Variants in RUFY3 observed in about 807,000 individuals in gnomAD.
RUFY3 encodes the protein RUN and FYVE domain containing 3, also known as protein RUFY3.
A neutral mutation model predicts 84.0 loss-of-function variants in RUFY3; 34 were observed. That is an observed-to-expected ratio of 0.40 (90% confidence interval 0.31 to 0.54). RUFY3 has a LOEUF of 0.54. Ranked by LOEUF, RUFY3 falls within the 20% of genes least tolerant of loss-of-function variation. The pLI is 0.39. For missense variants in RUFY3, 507 were observed against 736.8 expected, an observed-to-expected ratio of 0.69 and a Z score of 3.61; for synonymous variants, 242 against 252.9, an observed-to-expected ratio of 0.96 and a Z score of 0.41.
At chr4:70,770,605 T>C (rs949937119) in intron 5 of RUFY3, among the ~76,000 whole-genome samples, 2 of 152,230 alleles carry the variant, frequency 1.3e-5, no homozygotes, top group African/African-American at 4.8e-5. Context: ...AATTAGGTGT[T>C]GGCTTAAGGG....
chr4:70,801,817 G>A (rs1388279977), intron 15 of RUFY3, among the ~76,000 whole-genome samples: 1 of 152,176 alleles, frequency 6.6e-6, no homozygotes, highest in Non-Finnish European at 1.5e-5. Context: ...CATAAGCAAA[G>A]AGAAGGGAAC....
intron 1 of RUFY3, among the ~76,000 whole-genome samples, chr4:70,749,011 T>A (rs1237481952): frequency 6.6e-6 from 1 of 152,226 alleles, no homozygotes; most frequent in East Asian, 1.9e-4. Flanking sequence ...GATCTAACCC[T>A]TCTAGATCAT....
intron 15 of RUFY3, 89 bp from the exon 16 acceptor site, chr4:70,802,867 T>C (rs1349478943): frequency 2.3e-6 from 2 of 867,428 alleles, no homozygotes; most frequent in South Asian, 3.3e-5. Flanking sequence ...TTGAAAAAAA[T>C]GTTTGTATTC....
rs1332765937 is a variant in RUFY3, at chr4:70,722,544, T to A, written c.-30T>A. On this transcript the variant is annotated 5_prime_UTR_variant, in exon 1 of 18. Transcript: ENST00000381006. ...GTGTGTGTGAGTGTGTGTGTGTCTG[T>A]GTGTGTGTTGTGGTCCCAGCTGAGT... 1 of 1,604,338 alleles carries A rather than the reference T, an allele frequency of 6.2e-7. No individual in the cohort carries two copies. Among genetic ancestry groups the A allele is most frequent in the South Asian group, 1.1e-5 (1 of 90,086 alleles).
chr4:70,704,729 C>T (rs966946819), upstream of RUFY3: 15 of 327,604 alleles, frequency 4.6e-5, no homozygotes, highest in Non-Finnish European at 6.6e-5. Context: ...TCGGGCGGGG[C>T]GGTCCCTCCA....
chr4:70,801,120 G>A (rs1032847041), intron 15 of RUFY3, among the ~76,000 whole-genome samples: 1 of 150,624 alleles, frequency 6.6e-6, no homozygotes, highest in African/African-American at 2.4e-5. Flanking sequence ...AAGTGAAGGA[G>A]GTCCAGTTAC....
intron 1 of RUFY3, among the ~76,000 whole-genome samples, chr4:70,732,616 A>G (rs1160563851): frequency 6.6e-6 from 1 of 152,178 alleles, no homozygotes; most frequent in Non-Finnish European, 1.5e-5. Flanking sequence ...AAGGACATGG[A>G]TGAAGCTGGA....
chr4:70,781,770 G>C (rs985396865), intron 8 of RUFY3, among the ~76,000 whole-genome samples: 8 of 152,224 alleles, frequency 5.3e-5, no homozygotes, highest in African/African-American at 1.9e-4. Context: ...GAACTGAGCA[G>C]AGCCTGCACC....
At chr4:70,802,261 G>A (rs1578266747) in intron 15 of RUFY3, among the ~76,000 whole-genome samples, 1 of 152,082 alleles carries the variant, frequency 6.6e-6, no homozygotes, top group African/African-American at 2.4e-5. Context: ...AAGGAACATC[G>A]GAAAACCTGG....
intron 1 of RUFY3, among the ~76,000 whole-genome samples, chr4:70,741,292 G>A (rs1047866058): frequency 4.6e-5 from 7 of 151,782 alleles, no homozygotes; most frequent in African/African-American, 9.7e-5. Context: ...GATTAATGTC[G>A]CCTACACTTA....
intron 9 of RUFY3, among the ~76,000 whole-genome samples, chr4:70,783,657 A>G (rs1729304209): frequency 6.6e-6 from 1 of 152,314 alleles, no homozygotes; most frequent in South Asian, 2.1e-4. Context: ...GTTTTGTACA[A>G]TTCCAAGCCT....
intron 1 of RUFY3, among the ~76,000 whole-genome samples, chr4:70,754,953 G>A (rs1723754107): frequency 6.6e-6 from 1 of 151,120 alleles, no homozygotes; most frequent in Non-Finnish European, 1.5e-5. Flanking sequence ...TCCCAGGCTG[G>A]AATGCAGTGG....
chr4:70,720,027 A>T (rs938453068), upstream of RUFY3, among the ~76,000 whole-genome samples: 4 of 152,146 alleles, frequency 2.6e-5, no homozygotes, highest in Admixed American at 2.6e-4. Context: ...CCCAATTATA[A>T]ATAAGCCTAT....
chr4:70,774,929 C>T (rs1259583548), intron 6 of RUFY3, among the ~76,000 whole-genome samples: 2 of 151,712 alleles, frequency 1.3e-5, no homozygotes, highest in Non-Finnish European at 2.9e-5. Context: ...ATTATTAATA[C>T]TGAGGTTTGT....
chr4:70,778,522 A>AAGTTCTTTCTTTCC, intron 8 of RUFY3, 84 bp downstream of exon 8: 1 of 741,380 alleles, frequency 1.3e-6, no homozygotes, highest in Non-Finnish European at 2.4e-6. Context: ...CCTTGGAAAG[A>AAGTTCTTTCTTTCC]AAGAACTTGA....
Position 70,775,158 on chromosome 4 carries a change from C to T in RUFY3, c.759-10C>T. On this transcript the variant is annotated splice_polypyrimidine_tract_variant and intron_variant, in intron 6 of 17. Coordinates refer to ENST00000381006, the MANE Select transcript of RUFY3 (RefSeq NM_001037442.4). ...TTTATTTTATTTCTATTTTCTTCCC[C>T]TTCCCCCAGAGACGGTCAGATTACT... The T allele has an allele frequency of 1.3e-6, 2 of 1,583,238 alleles. No homozygotes were observed. The highest frequency in any genetic ancestry group is 1.7e-6 in the Non-Finnish European group (2 of 1,159,470).
chr4:70,722,474 T>C lies in RUFY3; in HGVS notation c.-100T>C, dbSNP rs1742430954. ...CTGAAAGCTTTGTTTCAGAGCTTTG[T>C]ATTGGGTTTTTTTGGTGAGGAGGTT... On this transcript the variant is annotated 5_prime_UTR_variant, in exon 1 of 18. Transcript: ENST00000381006. The C allele has an allele frequency of 6.9e-7, 1 of 1,453,780 alleles. No individual in the cohort carries two copies. Among genetic ancestry groups the C allele is most frequent in the South Asian group, 1.6e-5 (1 of 63,132 alleles). 90.1% of individuals were successfully genotyped at this position (1,453,780 alleles called of 1,614,324 possible). A position where few individuals can be genotyped will look rare whatever the true frequency, so the allele number is the denominator to read the frequency against.
intron 1 of RUFY3, among the ~76,000 whole-genome samples, chr4:70,724,358 T>A (rs1717875264): frequency 1.3e-5 from 2 of 152,232 alleles, no homozygotes; most frequent in Non-Finnish European, 2.9e-5. Context: ...ATTCCCTTTA[T>A]CATGAAATCT....
intron 1 of RUFY3, among the ~76,000 whole-genome samples, chr4:70,705,584 C>G (rs886746245): frequency 6.6e-6 from 1 of 152,200 alleles, no homozygotes; most frequent in Non-Finnish European, 1.5e-5. Context: ...CTGGTCTTCG[C>G]CGGCCTCCCA....
Sources: gnomAD v4.1 joint callset for allele counts (sites outside exome capture counted in the v4.1 genomes callset) on GRCh38, gnomAD v4.1.1 for gene constraint, MANE v1.5 for transcripts, NCBI Gene and HGNC (gene_info 2026-07-23, HGNC 2026-07-21) for gene names.